DMC1: variants seen among roughly 807,000 people sequenced by gnomAD.
DMC1 encodes DNA meiotic recombinase 1.
In DMC1, 27 loss-of-function variants were observed where a neutral mutation model predicts 50.1. The ratio of observed to expected loss-of-function variants is 0.54; its 90% CI spans 0.40 to 0.74. The LOEUF is 0.74. Ranked by LOEUF, DMC1 falls within the 30% of genes least tolerant of loss-of-function variation. The pLI, the probability that DMC1 is intolerant of heterozygous loss-of-function variation, is 0.00. For synonymous variants in DMC1, 148 were observed against 136.1 expected (o/e 1.09, Z -0.61); for missense variants, 295 against 420.2 (o/e 0.70, Z 2.60).
chr22:38,542,033 C>A (rs991990927), intron 8 of DMC1, among the ~76,000 whole-genome samples: 10 of 148,826 alleles, frequency 6.7e-5, no homozygotes, highest in Admixed American at 5.4e-4. Flanking sequence ...AAAAAACCCT[C>A]AAAAAATTGG....
intron 8 of DMC1, among the ~76,000 whole-genome samples, chr22:38,543,365 G>C (rs1052556342): frequency 6.6e-6 from 1 of 151,880 alleles, no homozygotes; most frequent in Non-Finnish European, 1.5e-5. Flanking sequence ...GAGTAGCTGC[G>C]ACTACAGGTG....
chr22:38,541,544 G>A (rs551534248), intron 8 of DMC1, among the ~76,000 whole-genome samples: 52 of 152,112 alleles, frequency 3.4e-4, no homozygotes, highest in Non-Finnish European at 6.9e-4. Context: ...CACCCACCTC[G>A]GCCTCTCAAA....
chr22:38,557,953 G>GTTTTTTTT (rs1555940699), intron 5 of DMC1, among the ~76,000 whole-genome samples: 12 of 94,976 alleles, frequency 1.3e-4, no homozygotes, highest in African/African-American at 2.9e-4. Context: ...ATTAGACAAA[G>GTTTTTTTT]TTCTTTTTTT....
chr22:38,533,910 T>C (rs552273992), intron 12 of DMC1, among the ~76,000 whole-genome samples: 1 of 152,354 alleles, frequency 6.6e-6, no homozygotes, highest in East Asian at 1.9e-4. Context: ...CCTGATATGA[T>C]ATACTGAGAA....
intron 12 of DMC1, 50 bp from the exon 13 acceptor site, chr22:38,521,774 G>T: frequency 1.7e-6 from 2 of 1,191,280 alleles, no homozygotes; most frequent in Non-Finnish European, 2.5e-6. Flanking sequence ...ACTATATATG[G>T]CAATATCTGC....
At chr22:38,546,669 A>G (rs1352676442) in intron 8 of DMC1, among the ~76,000 whole-genome samples, 1 of 152,228 alleles carries the variant, frequency 6.6e-6, no homozygotes, top group African/African-American at 2.4e-5. Flanking sequence ...TAAATTCTAT[A>G]ATAGGTCAAG....
chr22:38,518,127 C>T (rs2089989106), downstream of DMC1, among the ~76,000 whole-genome samples: 6 of 152,172 alleles, frequency 3.9e-5, no homozygotes, highest in South Asian at 1.2e-3. Flanking sequence ...CGTGCGTCAT[C>T]GCGCCCAGTT....
rs1301557394 is a variant in DMC1, at chr22:38,539,337, A to C, written c.570T>G (p.Tyr190Ter). 1 of 1,613,948 alleles carries C rather than the reference A, an allele frequency of 6.2e-7. No individual in the cohort carries two copies. Among genetic ancestry groups the C allele is most frequent in the Non-Finnish European group, 8.5e-7 (1 of 1,179,818 alleles). ...GGCTCTTACTAGTATATGCACGTGC[A>C]TAAAGTACGTTGTCCAGTACTGCAT... ...DHDAVLDNVL[Y>*]ARAYTSEHQM... Residue 190 changes from tyrosine to a stop codon, truncating the protein, a stop_gained, in exon 9 of 14, where the codon TAT becomes TAG. Transcript: ENST00000216024. LOFTEE classifies it high-confidence loss of function.
At chr22:38,553,636 A>C (rs937241352) in intron 6 of DMC1, among the ~76,000 whole-genome samples, 3 of 150,852 alleles carry the variant, frequency 2.0e-5, no homozygotes, top group Non-Finnish European at 4.4e-5. Flanking sequence ...CCAGCCTGGC[A>C]AACATGGTGA....
the DMC1 span, among the ~76,000 whole-genome samples, chr22:38,510,088 G>T: frequency 4.6e-5 from 7 of 152,110 alleles, no homozygotes; most frequent in Non-Finnish European, 1.0e-4. Flanking sequence ...GATGGCGCAT[G>T]CCTGTAGCTA....
chr22:38,538,664 C>A, intron 9 of DMC1, 52 bp from the exon 10 acceptor site: 1 of 1,465,656 alleles, frequency 6.8e-7, no homozygotes, highest in Non-Finnish European at 9.6e-7. Context: ...GAAGCAGAGG[C>A]TAAGATCATT....
intron 8 of DMC1, among the ~76,000 whole-genome samples, chr22:38,541,898 G>C (rs1889085856): frequency 6.6e-6 from 1 of 151,796 alleles, no homozygotes; most frequent in African/African-American, 2.4e-5. Flanking sequence ...TCTCAGGGAT[G>C]CAAGGATGGT....
intron 4 of DMC1, among the ~76,000 whole-genome samples, chr22:38,563,291 C>T (rs1417165135): frequency 2.6e-5 from 4 of 152,072 alleles, no homozygotes; most frequent in Middle Eastern, 3.4e-3. Flanking sequence ...GAAAATGGGC[C>T]CCAATGTAGT....
Position 38,568,058 on chromosome 22 carries a change from C to A in DMC1, c.51+148G>T, listed in dbSNP as rs996397695. ...GTTGCTAAGTAGCTAATCTTAGCAT[C>A]CTTGCCAAACAAGTTGTTACATATT... On this transcript the variant is annotated intron_variant, in intron 2 of 13. Transcript: ENST00000216024. The A allele has an allele frequency of 2.4e-5, 18 of 752,260 alleles. No homozygotes were observed. In the African/African-American group the frequency reaches 3.1e-4, roughly 13 times the overall value. 46.6% of individuals were successfully genotyped at this position (752,260 alleles called of 1,614,324 possible). A position where few individuals can be genotyped will look rare whatever the true frequency, so the allele number is the denominator to read the frequency against.
the DMC1 span, among the ~76,000 whole-genome samples, chr22:38,513,156 G>C: frequency 1.3e-5 from 2 of 152,084 alleles, no homozygotes; most frequent in Non-Finnish European, 2.9e-5. Flanking sequence ...GCATGGATGG[G>C]AGTCTGAGCC....
At chr22:38,526,440 C>T (rs1460879264) in intron 12 of DMC1, among the ~76,000 whole-genome samples, 1 of 152,068 alleles carries the variant, frequency 6.6e-6, no homozygotes. Context: ...GAACTCCTGA[C>T]CTCATGATCT....
At position 38,537,529 on chromosome 22, in the gene DMC1, T is replaced by G. The variant is rs926649781; in HGVS notation, c.836+63A>C. 56 of 1,476,618 alleles carry G rather than the reference T, an allele frequency of 3.8e-5. No individual in the cohort carries two copies. The Middle Eastern group carries it at 5.2e-4, about 14-fold the overall frequency. The allele number at this position is 1,476,618 out of a possible 1,614,324, so 91.5% of individuals were successfully genotyped here. A position where few individuals can be genotyped will look rare whatever the true frequency, so the allele number is the denominator to read the frequency against. ...GCCCGGCCTTGAAATTATTTTCTATTCTACGCTCTAACCCTCTTTATATTA... is the reference window on the plus strand; with the variant it reads ...GCCCGGCCTTGAAATTATTTTCTATGCTACGCTCTAACCCTCTTTATATTA... On this transcript the variant is annotated intron_variant, in intron 12 of 13. Coordinates refer to ENST00000216024, the MANE Select transcript of DMC1 (RefSeq NM_007068.4).
chr22:38,547,479 G>T, intron 8 of DMC1, among the ~76,000 whole-genome samples: 1 of 151,932 alleles, frequency 6.6e-6, no homozygotes, highest in African/African-American at 2.4e-5. Flanking sequence ...GGTCTTCTTT[G>T]TTATTAAAAA....
intron 7 of DMC1, among the ~76,000 whole-genome samples, chr22:38,551,856 C>CTTTTTTTT (rs71761663): frequency 1.1e-5 from 1 of 93,182 alleles, no homozygotes; most frequent in Non-Finnish European, 2.1e-5. Flanking sequence ...GAACTCCTTT[C>CTTTTTTTT]TTTTTTTTTT....
Sources: gnomAD v4.1 joint callset for allele counts (sites outside exome capture counted in the v4.1 genomes callset) on GRCh38, gnomAD v4.1.1 for gene constraint, MANE v1.5 for transcripts, NCBI Gene and HGNC (gene_info 2026-07-23, HGNC 2026-07-21) for gene names.